Variants in NPAS1 observed in about 807,000 individuals in gnomAD.
NPAS1 encodes neuronal PAS domain-containing protein 1.
A neutral mutation model predicts 49.2 loss-of-function variants in NPAS1; 29 were observed. The observed-to-expected ratio is 0.59, with a 90% CI of 0.44 to 0.80. The LOEUF (loss-of-function observed/expected upper bound fraction) is 0.80. NPAS1 is among the 30% of genes least tolerant of loss of function. The pLI, the probability that NPAS1 is intolerant of heterozygous loss-of-function variation, is 0.00. For synonymous variants in NPAS1, 408 were observed against 380.4 expected, an observed-to-expected ratio of 1.07 and a Z score of -0.84; for missense variants, 825 against 835.5, an observed-to-expected ratio of 0.99 and a Z score of 0.15.
intron 8 of NPAS1, 41 bp downstream of exon 8, chr19:47,039,605 A>G: frequency 1.3e-6 from 2 of 1,525,900 alleles, no homozygotes; most frequent in Non-Finnish European, 1.8e-6. Flanking sequence ...TTGGGGGCAC[A>G]ATGGAGATCT....
rs564212200 is a variant in NPAS1, at chr19:47,040,243, G to A, written c.963-201G>A. Among the ~76,000 whole-genome samples the A allele has an allele frequency of 8.9e-4, 135 of 152,000 alleles. 1 individual carries two copies. In the Middle Eastern group the frequency reaches 0.024, roughly 27 times the overall value. ...TCACCATCTTAGGCAGGCTGGTCTC[G>A]AACTCCTGACCTCAAGTGATCCACA... is the stretch of plus-strand genomic sequence containing the variant. On this transcript the variant is annotated intron_variant, in intron 8 of 11. Coordinates refer to ENST00000602212, the MANE Select transcript of NPAS1 (RefSeq NM_002517.4).
At chr19:47,044,858 C>T (rs2057057589) in intron 11 of NPAS1, among the ~76,000 whole-genome samples, 1 of 152,016 alleles carries the variant, frequency 6.6e-6, no homozygotes, top group Admixed American at 6.6e-5. Context: ...GGCGACACCC[C>T]ATCTCTACTT....
Position 47,030,620 on chromosome 19 carries a change from G to A in NPAS1, c.359-1658G>A, listed in dbSNP as rs368365365. Among the ~76,000 whole-genome samples, 57 of 148,340 alleles carry A rather than the reference G, an allele frequency of 3.8e-4. No individual in the cohort carries two copies. In the South Asian group the frequency reaches 0.011, roughly 28 times the overall value. On this transcript the variant is annotated intron_variant, in intron 3 of 11. Transcript: ENST00000602212. ...GCTGAGATCACAGGTATGAGCCACC[G>A]TGCCTGGCCCTTTGCCTTTTTTTTT...
At position 47,042,866 on chromosome 19, in the gene NPAS1, C is replaced by A. The variant is rs766667166; in HGVS notation, c.1274C>A (p.Ala425Asp). ...LDAFQLPASV[A>D]CEEASSPGPE... is the part of the protein sequence containing the mutation. ...GCCTTCCAGCTTCCAGCCAGCGTGG[C>A]CTGTGAGGAGGCATCCAGCCCGGGG... The change falls in exon 11 of 12, where the codon GCC (alanine) becomes GAC (aspartate). Residue 425 changes from alanine to aspartate, a missense_variant. Physicochemically the swap from Ala to Asp is moderately radical, Grantham distance 126. Coordinates refer to ENST00000602212, the MANE Select transcript of NPAS1 (RefSeq NM_002517.4). The A allele has an allele frequency of 1.9e-6, 3 of 1,605,984 alleles. No homozygotes were observed. The highest frequency in any genetic ancestry group is 1.1e-5 in the South Asian group (1 of 89,658).
intron 3 of NPAS1, among the ~76,000 whole-genome samples, chr19:47,028,425 G>A (rs2056887285): frequency 6.6e-6 from 1 of 152,090 alleles, no homozygotes; most frequent in Admixed American, 6.5e-5. Flanking sequence ...GGAGGCGGGG[G>A]CTGCGCGCCC....
chr19:47,025,599 A>G (rs1423404057), intron 3 of NPAS1, among the ~76,000 whole-genome samples: 1 of 149,252 alleles, frequency 6.7e-6, no homozygotes, highest in Non-Finnish European at 1.5e-5. Flanking sequence ...TTTTTGAAAC[A>G]GGGTCTTGCT....
At chr19:47,031,520 CTTT>C (rs10555176) in intron 3 of NPAS1, among the ~76,000 whole-genome samples, 121,188 of 146,584 alleles carry the variant, frequency 0.83, 50,098 homozygotes, top group African/African-American at 0.87. Context: ...TTCTTTCTCT[CTTT>C]TTTCTTTCTT....
intron 11 of NPAS1, 47 bp from the exon 12 acceptor site, chr19:47,045,144 C>T (rs2057062178): frequency 6.3e-7 from 1 of 1,576,572 alleles, no homozygotes; most frequent in Non-Finnish European, 8.6e-7. Flanking sequence ...GATGGGAAGA[C>T]TGAGGGCTGG....
Position 47,045,075 on chromosome 19 carries a change from AAC to A in NPAS1, c.1313-115_1313-114del, listed in dbSNP as rs1452711421. 41 of 959,530 alleles carry A rather than the reference AAC, an allele frequency of 4.3e-5. 1 individual carries two copies. In the African/African-American group the frequency reaches 7.2e-4, roughly 17 times the overall value. The allele number at this position is 959,530 out of a possible 1,614,324, so 59.4% of individuals were successfully genotyped here. The stretch of plus-strand genomic sequence containing the variant: ...AACAAAACAAACAAACAAAAAAAAA[AAC>A]CCCACTCCCAGCTGAGAACTACAGG... On this transcript the variant is annotated intron_variant, in intron 11 of 11. Coordinates refer to ENST00000602212, the MANE Select transcript of NPAS1 (RefSeq NM_002517.4).
In NPAS1 at chr19:47,045,211, G is replaced by A. The variant is rs997403263; in HGVS notation, c.1333G>A (p.Gly445Arg). 1.2e-6 allele frequency: 2 copies of A among 1,613,738 alleles called. No homozygotes were observed. The highest frequency in any genetic ancestry group is 4.5e-5 in the East Asian group (2 of 44,866). The change falls in exon 12 of 12, where the codon GGG (glycine) becomes AGG (arginine). Residue 445 changes from glycine to arginine, a missense_variant. Coordinates refer to ENST00000602212, the MANE Select transcript of NPAS1 (RefSeq NM_002517.4). ...TCCAGAGCCGGAGCCTCCGACGGAA[G>A]GGAAGCAGGCTGCCCCAGCGGAGAA... ...EPTEPEPPTEGKQAAPAENEA... is the reference protein window; with the variant it reads ...EPTEPEPPTERKQAAPAENEA...
intron 11 of NPAS1, 62 bp downstream of exon 11, chr19:47,042,966 T>G: frequency 7.6e-7 from 1 of 1,318,636 alleles, no homozygotes; most frequent in Non-Finnish European, 1.0e-6. Context: ...GTCCTGGCTG[T>G]CCATTCCAGA....
intron 3 of NPAS1, among the ~76,000 whole-genome samples, chr19:47,027,488 GTCTCTCTGCCCCTGGTCTCCCA>G (rs2056880486): frequency 2.1e-5 from 1 of 48,314 alleles, no homozygotes; most frequent in Non-Finnish European, 4.0e-5. Context: ...CTGGTCTCCC[GTCTCTCTGCCCCTGGTCTCCCA>G]TCTCTCTGCC....
At chr19:47,041,732 T>G (rs1195387618) in intron 10 of NPAS1, among the ~76,000 whole-genome samples, 1 of 152,074 alleles carries the variant, frequency 6.6e-6, no homozygotes, top group African/African-American at 2.4e-5. Flanking sequence ...CCCAACAATT[T>G]GGGAGGCCAA....
Position 47,032,502 on chromosome 19 carries a change from C to T in NPAS1, c.433-141C>T, listed in dbSNP as rs1192224288. The T allele has an allele frequency of 2.5e-5, 27 of 1,096,070 alleles. No homozygotes were observed. In the East Asian group the frequency reaches 5.3e-4, roughly 21 times the overall value. 67.9% of individuals were successfully genotyped at this position (1,096,070 alleles called of 1,614,324 possible). On this transcript the variant is annotated intron_variant, in intron 4 of 11. Transcript: ENST00000602212. ...AGATCCCTCCACTCCCTGCCCCTTC[C>T]GAGGACCACTGAAGCCCCCTCCCCA...
chr19:47,023,645 G>A (rs1317185638), intron 3 of NPAS1, among the ~76,000 whole-genome samples: 1 of 152,102 alleles, frequency 6.6e-6, no homozygotes, highest in Non-Finnish European at 1.5e-5. Context: ...GAAGGGGAGG[G>A]GACTCCCATG....
intron 4 of NPAS1, 120 bp from the exon 5 acceptor site, chr19:47,032,523 C>G: frequency 8.9e-7 from 1 of 1,124,160 alleles, no homozygotes; most frequent in Non-Finnish European, 1.3e-6. Flanking sequence ...GAAGCCCCCT[C>G]CCCACCAAAA....
chr19:47,031,725 T>A (rs928951242), intron 3 of NPAS1, among the ~76,000 whole-genome samples: 1 of 150,904 alleles, frequency 6.6e-6, no homozygotes, highest in East Asian at 2.0e-4. Flanking sequence ...GAGATGGGGA[T>A]CCAACATATT....
chr19:47,040,791 C>A, intron 9 of NPAS1, 187 bp from the exon 10 acceptor site: 1 of 624,464 alleles, frequency 1.6e-6, no homozygotes, highest in East Asian at 2.9e-5. Flanking sequence ...AGAGGCCTCG[C>A]TGCTGGGCTA....
rs1296173762 is a variant in NPAS1 at position 47,039,159 on chromosome 19, T to C, written c.804+8T>C. On this transcript the variant is annotated splice_region_variant and intron_variant, in intron 7 of 11. Transcript: ENST00000602212. ...AAGGCCTCAGGGTACAAGGTGGGTG[T>C]GAGCAGTCAGGCTCCTGTATTCCAG... 1 of 1,596,120 alleles carries C rather than the reference T, an allele frequency of 6.3e-7. No individual in the cohort carries two copies.
Sources: gnomAD v4.1 joint callset for allele counts (sites outside exome capture counted in the v4.1 genomes callset) on GRCh38, gnomAD v4.1.1 for gene constraint, MANE v1.5 for transcripts, NCBI Gene and HGNC (gene_info 2026-07-23, HGNC 2026-07-21) for gene names.